TMEM132D: variants seen among roughly 807,000 people sequenced by gnomAD.
TMEM132D encodes the protein mature OL transmembrane protein.
A neutral mutation model predicts 62.3 loss-of-function variants in TMEM132D; 21 were observed. The ratio of observed to expected loss-of-function variants is 0.34; its 90% confidence interval spans 0.24 to 0.49. TMEM132D has a LOEUF of 0.49. Ranked by LOEUF, TMEM132D falls within the 20% of genes least tolerant of loss-of-function variation. The pLI, the probability that TMEM132D is intolerant of heterozygous loss-of-function variation, is 0.99. For synonymous variants in TMEM132D, 621 were observed against 575.6 expected (o/e 1.08, Z -1.13); for missense variants, 1,346 against 1,402.8 (o/e 0.96, Z 0.65).
At chr12:129,454,647 TC>T (rs1373176685) in intron 3 of TMEM132D, among the ~76,000 whole-genome samples, 12 of 152,378 alleles carry the variant, frequency 7.9e-5, no homozygotes, top group African/African-American at 2.9e-4. Flanking sequence ...CATTTGCATT[TC>T]AAAACAGTAA....
chr12:129,821,448 A>C (rs571634268), intron 1 of TMEM132D, among the ~76,000 whole-genome samples: 1 of 152,280 alleles, frequency 6.6e-6, no homozygotes, highest in African/African-American at 2.4e-5. Flanking sequence ...AAACAGGCCA[A>C]TGGAACTACT....
chr12:129,459,972 G>C (rs1409051622), intron 3 of TMEM132D, among the ~76,000 whole-genome samples: 1 of 152,144 alleles, frequency 6.6e-6, no homozygotes, highest in Non-Finnish European at 1.5e-5. Context: ...TTGCTTCCAA[G>C]GTGTGTTATT....
intron 2 of TMEM132D, among the ~76,000 whole-genome samples, chr12:129,605,745 T>C (rs987009199): frequency 2.6e-5 from 4 of 151,894 alleles, no homozygotes; most frequent in Non-Finnish European, 4.4e-5. Context: ...TTTTCCATTG[T>C]AAATTAATAA....
At chr12:129,462,783 C>T (rs773156109) in intron 3 of TMEM132D, among the ~76,000 whole-genome samples, 7 of 152,096 alleles carry the variant, frequency 4.6e-5, no homozygotes, top group Non-Finnish European at 5.9e-5. Flanking sequence ...TGATTACAAA[C>T]GAGACTTTGA....
intron 5 of TMEM132D, among the ~76,000 whole-genome samples, chr12:129,192,299 C>T (rs1005859343): frequency 6.8e-6 from 1 of 147,494 alleles, no homozygotes; most frequent in African/African-American, 2.4e-5. Context: ...CGATTGTCTT[C>T]CTTGACTGTA....
chr12:129,863,337 C>T (rs1873955687), intron 1 of TMEM132D, among the ~76,000 whole-genome samples: 1 of 151,796 alleles, frequency 6.6e-6, no homozygotes, highest in African/African-American at 2.4e-5. Context: ...CCAAGGGAAT[C>T]AAAGAGTACA....
intron 2 of TMEM132D, among the ~76,000 whole-genome samples, chr12:129,665,685 T>C (rs112792000): frequency 2.6e-5 from 4 of 152,300 alleles, no homozygotes; most frequent in African/African-American, 9.6e-5. Context: ...GGGTAGAGAC[T>C]TGCTATGTCA....
chr12:129,471,031 T>A lies in TMEM132D; in HGVS notation c.1115+60028A>T, dbSNP rs531501067. 7.9e-5 allele frequency among the ~76,000 whole-genome samples: 12 copies of A among 152,212 alleles called. No individual in the cohort carries two copies. In the East Asian group the frequency reaches 2.3e-3, roughly 29 times the overall value. ...GGGATCTAGGAAAGCTGACCACATGTCTTTGACTCATGTTTATTATCTGGA... is the reference window on the plus strand; with the variant it reads ...GGGATCTAGGAAAGCTGACCACATGACTTTGACTCATGTTTATTATCTGGA... On this transcript the variant is annotated intron_variant, in intron 3 of 8. Transcript: ENST00000422113.
At chr12:129,170,806 TA>T (rs35002656) in intron 5 of TMEM132D, among the ~76,000 whole-genome samples, 4 of 147,674 alleles carry the variant, frequency 2.7e-5, no homozygotes, top group Admixed American at 6.8e-5. Flanking sequence ...AGACTCCAAG[TA>T]AAAAAAAAAA....
chr12:129,648,892 C>G (rs1879855112), intron 2 of TMEM132D, among the ~76,000 whole-genome samples: 1 of 151,910 alleles, frequency 6.6e-6, no homozygotes, highest in African/African-American at 2.4e-5. Flanking sequence ...AAATTAAAAC[C>G]TCAAAATGAA....
intron 1 of TMEM132D, among the ~76,000 whole-genome samples, chr12:129,805,523 T>C (rs1317502400): frequency 2.0e-5 from 3 of 152,056 alleles, no homozygotes; most frequent in Non-Finnish European, 4.4e-5. Context: ...CTTCCTTACA[T>C]CTTATACAAA....
At chr12:129,191,267 G>A (rs1039785383) in intron 5 of TMEM132D, among the ~76,000 whole-genome samples, 2 of 140,396 alleles carry the variant, frequency 1.4e-5, no homozygotes, top group African/African-American at 2.7e-5. Flanking sequence ...ATATCTTGCC[G>A]AAAAGACACA....
intron 5 of TMEM132D, among the ~76,000 whole-genome samples, chr12:129,121,198 C>T (rs539727809): frequency 2.6e-5 from 4 of 152,226 alleles, no homozygotes; most frequent in East Asian, 1.9e-4. Flanking sequence ...TGAGTTCAAG[C>T]GATTCTCCTG....
intron 1 of TMEM132D, among the ~76,000 whole-genome samples, chr12:129,885,809 G>A (rs1179053390): frequency 6.6e-6 from 1 of 152,130 alleles, no homozygotes; most frequent in Non-Finnish European, 1.5e-5. Flanking sequence ...ATAAATAACA[G>A]AATGGCTTGA....
intron 5 of TMEM132D, among the ~76,000 whole-genome samples, chr12:129,129,399 G>A (rs1876305300): frequency 6.6e-6 from 1 of 152,122 alleles, no homozygotes; most frequent in Non-Finnish European, 1.5e-5. Flanking sequence ...CTGTTGATGG[G>A]CACGTTGGTT....
chr12:129,734,298 C>T (rs1869348616), intron 1 of TMEM132D, among the ~76,000 whole-genome samples: 1 of 152,130 alleles, frequency 6.6e-6, no homozygotes. Flanking sequence ...GAACCTTTTC[C>T]CTATTGTTTT....
chr12:129,082,207 T>C (rs1028131366), intron 6 of TMEM132D, among the ~76,000 whole-genome samples, 175 bp from the exon 7 acceptor site: 1 of 152,198 alleles, frequency 6.6e-6, no homozygotes, highest in Non-Finnish European at 1.5e-5. Context: ...GCATGAGCAC[T>C]GACCCATCAG....
intron 3 of TMEM132D, among the ~76,000 whole-genome samples, chr12:129,439,543 G>T (rs1375667559): frequency 6.6e-6 from 1 of 152,040 alleles, no homozygotes; most frequent in Non-Finnish European, 1.5e-5. Flanking sequence ...TCCCCCTCCT[G>T]GGTTCAAGTG....
intron 1 of TMEM132D, among the ~76,000 whole-genome samples, chr12:129,828,782 A>AGGAGGGAGGGAG (rs1317969276): frequency 1.4e-4 from 6 of 43,534 alleles, no homozygotes; most frequent in East Asian, 8.4e-4. Context: ...GAGGAAGAAA[A>AGGAGGGAGGGAG]GGAGGGAGGG....
Sources: gnomAD v4.1 joint callset for allele counts (sites outside exome capture counted in the v4.1 genomes callset) on GRCh38, gnomAD v4.1.1 for gene constraint, MANE v1.5 for transcripts, NCBI Gene and HGNC (gene_info 2026-07-23, HGNC 2026-07-21) for gene names.